Variants in KANK1 observed in about 807,000 individuals in gnomAD.
KANK1 encodes the protein KN motif and ankyrin repeat domains 1.
A neutral mutation model predicts 106.2 loss-of-function variants in KANK1; 109 were observed. The ratio of observed to expected loss-of-function variants is 1.03; its 90% CI spans 0.88 to 1.20. The LOEUF (loss-of-function observed/expected upper bound fraction) is 1.20, where lower values mean the gene tolerates loss of function less well. Among genes scored for constraint, KANK1 ranks in the 50% most tolerant of loss-of-function variants. The pLI, the probability that KANK1 is intolerant of heterozygous loss-of-function variation, is 0.00. For synonymous variants in KANK1, 873 were observed against 652.2 expected, an observed-to-expected ratio of 1.34 and a Z score of -5.16; for missense variants, 2,399 against 1,710.7, an observed-to-expected ratio of 1.40 and a Z score of -7.10.
intron 1 of KANK1, among the ~76,000 whole-genome samples, chr9:635,417 T>C (rs1836853171): frequency 6.6e-6 from 1 of 152,162 alleles, no homozygotes; most frequent in African/African-American, 2.4e-5. Context: ...TCTCTATTCC[T>C]TCATGTGCTT....
Position 743,644 on chromosome 9 carries a change from C to T in KANK1, c.3898-847C>T, listed in dbSNP as rs146127920. Among the ~76,000 whole-genome samples the T allele has an allele frequency of 4.9e-3, 742 of 152,062 alleles. 3 individuals are homozygous for T. The highest frequency in any genetic ancestry group is 0.01 in the Admixed American group (159 of 15,264). ...CCTTGGGAGGCTGAGACAGGAGGAT[C>T]GCTCGAGCCCAGGAGTTCAAGACCA... On this transcript the variant is annotated intron_variant, in intron 10 of 11. Transcript: ENST00000382297.
chr9:704,948 G>A (rs553729427), intron 2 of KANK1, among the ~76,000 whole-genome samples: 16 of 131,066 alleles, frequency 1.2e-4, no homozygotes, highest in African/African-American at 4.4e-4. Flanking sequence ...AGCCATGATC[G>A]CACCACGTCA....
intron 2 of KANK1, among the ~76,000 whole-genome samples, chr9:701,818 G>A (rs777024615): frequency 8.5e-5 from 13 of 152,168 alleles, no homozygotes; most frequent in Non-Finnish European, 1.5e-4. Flanking sequence ...TCAAAACCAT[G>A]TATTATTTGG....
At chr9:677,413 A>T (rs1287034780) in intron 2 of KANK1, 1 of 161,226 alleles carries the variant, frequency 6.2e-6, no homozygotes, top group Non-Finnish European at 1.4e-5. Context: ...ATGTTGCTAA[A>T]CAAAGAGAAA....
intron 1 of KANK1, among the ~76,000 whole-genome samples, chr9:543,647 T>A (rs1374960744): frequency 1.3e-5 from 2 of 151,904 alleles, no homozygotes; most frequent in African/African-American, 2.4e-5. Flanking sequence ...TCAGTACAGA[T>A]CTCAATGACT....
At chr9:722,584 A>C (rs113395702) in intron 3 of KANK1, among the ~76,000 whole-genome samples, 1 of 152,202 alleles carries the variant, frequency 6.6e-6, no homozygotes, top group African/African-American at 2.4e-5. Context: ...CTACAACTAC[A>C]AGTGGGTCCT....
chr9:504,610 C>T (rs2058641531), upstream of KANK1: 1 of 151,214 alleles, frequency 6.6e-6, no homozygotes, highest in Non-Finnish European at 1.5e-5. Context: ...GCTTCCCCGC[C>T]CCGGCGGCGG....
intron 2 of KANK1, among the ~76,000 whole-genome samples, chr9:704,506 T>C (rs1327200218): frequency 6.6e-6 from 1 of 152,228 alleles, no homozygotes; most frequent in Non-Finnish European, 1.5e-5. Flanking sequence ...ATGACACTTC[T>C]GCTTACAGAC....
intron 1 of KANK1, among the ~76,000 whole-genome samples, chr9:649,440 G>T (rs1367072675): frequency 2.6e-5 from 4 of 152,166 alleles, no homozygotes; most frequent in African/African-American, 9.7e-5. Flanking sequence ...AAATTGTACA[G>T]ATGTGTGATA....
Position 691,756 on chromosome 9 carries a change from G to A in KANK1, c.37+14747G>A, listed in dbSNP as rs539984869. On this transcript the variant is annotated intron_variant, in intron 2 of 11. Coordinates refer to ENST00000382297, the MANE Select transcript of KANK1 (RefSeq NM_015158.5). ...CAGCTCCCGAGAAACTGAGACTACA[G>A]GGGCAAGCCAGCACACCTAGCTAAT... is the stretch of plus-strand genomic sequence containing the variant. Among the ~76,000 whole-genome samples, 147 of 149,688 alleles carry A rather than the reference G, an allele frequency of 9.8e-4. 1 individual carries two copies. The highest frequency in any genetic ancestry group is 3.6e-3 in the African/African-American group (147 of 40,696).
intron 1 of KANK1, among the ~76,000 whole-genome samples, chr9:579,951 T>C (rs1024771467): frequency 6.6e-6 from 1 of 152,190 alleles, no homozygotes; most frequent in Admixed American, 6.5e-5. Flanking sequence ...CAGCATCTGC[T>C]GTCTCCAGTG....
chr9:517,420 G>T lies in KANK1; in HGVS notation c.-84+12666G>T, dbSNP rs7862091. ...GCCCGGCTGCAAGCTGTGTTTTGTC[G>T]GGACGGTTTCGATTAGTTTTTAGGC... On this transcript the variant is annotated intron_variant, in intron 1 of 11. Coordinates refer to ENST00000382297, the MANE Select transcript of KANK1 (RefSeq NM_015158.5). Among the ~76,000 whole-genome samples the T allele has an allele frequency of 1.8e-4, 28 of 151,828 alleles. No homozygotes were observed. The South Asian group carries it at 2.1e-3, about 11-fold the overall frequency.
chr9:654,039 C>G (rs970175994), intron 1 of KANK1, among the ~76,000 whole-genome samples: 2 of 152,174 alleles, frequency 1.3e-5, no homozygotes, highest in Non-Finnish European at 2.9e-5. Context: ...ATGAAAGACA[C>G]AAACTGAGGC....
intron 1 of KANK1, among the ~76,000 whole-genome samples, chr9:533,430 G>C (rs1432234626): frequency 6.6e-6 from 1 of 152,198 alleles, no homozygotes; most frequent in East Asian, 1.9e-4. Context: ...GACAGATGAG[G>C]TAAGGCATAA....
rs2060036526 is a variant in KANK1, at chr9:531,138, T to C, written c.-84+26384T>C. On this transcript the variant is annotated intron_variant, in intron 1 of 11. Coordinates refer to ENST00000382297, the MANE Select transcript of KANK1 (RefSeq NM_015158.5). Reference sequence around the variant, plus strand: ...GAGGGGGAAACAGATGCTAAAACAATAGTGAGAAGTACTTAATTGGCTGGG... The same window carrying C: ...GAGGGGGAAACAGATGCTAAAACAACAGTGAGAAGTACTTAATTGGCTGGG... 2.0e-5 allele frequency among the ~76,000 whole-genome samples: 3 copies of C among 151,870 alleles called. No homozygotes were observed. The South Asian group carries it at 6.2e-4, about 32-fold the overall frequency.
chr9:728,774 C>G (rs978559143), intron 3 of KANK1, among the ~76,000 whole-genome samples: 1 of 152,196 alleles, frequency 6.6e-6, no homozygotes, highest in African/African-American at 2.4e-5. Flanking sequence ...CCCAGACACT[C>G]CTTTCTGTTG....
chr9:677,490 A>G (rs1156713979), intron 2 of KANK1: 1 of 152,630 alleles, frequency 6.6e-6, no homozygotes, highest in African/African-American at 2.4e-5. Flanking sequence ...CCATATTATG[A>G]ATCATAAAGA....
chr9:740,335 A>G (rs191556042), intron 8 of KANK1, among the ~76,000 whole-genome samples: 10 of 152,296 alleles, frequency 6.6e-5, no homozygotes, highest in African/African-American at 2.4e-4. Context: ...GAGTCTCAGA[A>G]TGAGTAATGT....
intron 1 of KANK1, among the ~76,000 whole-genome samples, chr9:597,264 G>A (rs1468038172): frequency 6.6e-6 from 1 of 151,708 alleles, no homozygotes; most frequent in Non-Finnish European, 1.5e-5. Context: ...GGGTTATATG[G>A]CAAGTCTGTG....
Sources: gnomAD v4.1 joint callset for allele counts (sites outside exome capture counted in the v4.1 genomes callset) on GRCh38, gnomAD v4.1.1 for gene constraint, MANE v1.5 for transcripts, NCBI Gene and HGNC (gene_info 2026-07-23, HGNC 2026-07-21) for gene names.